Variants in PTPRN2 observed in about 807,000 individuals in gnomAD.
PTPRN2 encodes the protein protein tyrosine phosphatase receptor type N2, also known as receptor-type tyrosine-protein phosphatase N2.
A neutral mutation model predicts 118.8 loss-of-function variants in PTPRN2; 74 were observed. The observed-to-expected ratio is 0.62, with a 90% CI of 0.52 to 0.76. PTPRN2 has a LOEUF of 0.76. Ranked by LOEUF, PTPRN2 falls within the 30% of genes least tolerant of loss-of-function variation. PTPRN2 has a pLI of 0.00. For missense variants in PTPRN2, 1,481 were observed against 1,394.4 expected, an observed-to-expected ratio of 1.06 and a Z score of -0.99; for synonymous variants, 641 against 608.0, an observed-to-expected ratio of 1.05 and a Z score of -0.80.
chr7:157,641,351 G>A (rs1396963146), intron 14 of PTPRN2, among the ~76,000 whole-genome samples: 1 of 152,198 alleles, frequency 6.6e-6, no homozygotes, highest in Admixed American at 6.5e-5. Flanking sequence ...GGCAAAGAAT[G>A]AGATGTACAC....
intron 13 of PTPRN2, among the ~76,000 whole-genome samples, chr7:157,682,272 C>T (rs761446554): frequency 1.3e-5 from 2 of 152,124 alleles, no homozygotes; most frequent in African/African-American, 2.4e-5. Flanking sequence ...CTTCACTGGA[C>T]CGGACAACAG....
intron 14 of PTPRN2, among the ~76,000 whole-genome samples, chr7:157,628,488 A>T (rs1803733486): frequency 6.6e-6 from 1 of 152,240 alleles, no homozygotes; most frequent in African/African-American, 2.4e-5. Context: ...CTGGGAAGGC[A>T]CTGGACTTTG....
intron 12 of PTPRN2, among the ~76,000 whole-genome samples, chr7:157,737,408 G>A (rs953492697): frequency 4.6e-5 from 7 of 152,252 alleles, no homozygotes; most frequent in Non-Finnish European, 1.0e-4. Flanking sequence ...TGGAGGGCAC[G>A]TGTGCTGTGA....
chr7:158,157,067 G>A (rs557368370), intron 6 of PTPRN2, among the ~76,000 whole-genome samples: 4 of 151,982 alleles, frequency 2.6e-5, no homozygotes, highest in African/African-American at 9.7e-5. Context: ...CAGCACCCCC[G>A]TTCCATGTAG....
rs1380231928 is a variant in PTPRN2, at chr7:157,734,099, T to G, written c.1789-51162A>C. 5.3e-5 allele frequency among the ~76,000 whole-genome samples: 5 copies of G among 94,440 alleles called. 2 individuals are homozygous for G. The highest frequency in any genetic ancestry group is 3.0e-4 in the East Asian group (1 of 3,308). 62.0% of individuals were successfully genotyped at this position (94,440 alleles called of 152,430 possible). A position where few individuals can be genotyped will look rare whatever the true frequency, so the allele number is the denominator to read the frequency against. ...CCCATGCACCCAGCACAGTTACCCT[T>G]TCCCGTCCCATGCGCCCAGCACAGT... On this transcript the variant is annotated intron_variant, in intron 12 of 22. Transcript: ENST00000389418.
intron 2 of PTPRN2, among the ~76,000 whole-genome samples, chr7:158,423,881 T>C (rs1815473275): frequency 6.6e-6 from 1 of 152,160 alleles, no homozygotes; most frequent in South Asian, 2.1e-4. Flanking sequence ...TGGAATGGAA[T>C]CCTGAAAACT....
intron 12 of PTPRN2, among the ~76,000 whole-genome samples, chr7:157,793,981 C>A (rs1331557274): frequency 1.3e-5 from 2 of 152,310 alleles, no homozygotes; most frequent in Non-Finnish European, 2.9e-5. Context: ...CTGAGGGCCC[C>A]ACAGCCCCTT....
chr7:157,993,418 C>T (rs1350129571), intron 11 of PTPRN2, among the ~76,000 whole-genome samples: 1 of 152,062 alleles, frequency 6.6e-6, no homozygotes, highest in East Asian at 1.9e-4. Flanking sequence ...CAGGACATAC[C>T]CCATGTGCTT....
At chr7:157,747,806 G>T (rs1329531744) in intron 12 of PTPRN2, among the ~76,000 whole-genome samples, 10 of 130,142 alleles carry the variant, frequency 7.7e-5, no homozygotes, top group South Asian at 5.3e-4. Flanking sequence ...GGCTGTTGAG[G>T]TGATTCTGAG....
intron 12 of PTPRN2, among the ~76,000 whole-genome samples, chr7:157,698,699 C>T (rs187478651): frequency 1.7e-4 from 26 of 152,232 alleles, no homozygotes; most frequent in Non-Finnish European, 2.2e-4. Context: ...GAGGTGAATC[C>T]GGTTTTCACT....
chr7:157,561,094 C>T (rs1003079144), intron 21 of PTPRN2, among the ~76,000 whole-genome samples: 5 of 152,194 alleles, frequency 3.3e-5, no homozygotes, highest in African/African-American at 1.2e-4. Context: ...CCTGGCTGGT[C>T]CCCCAGCCAT....
intron 11 of PTPRN2, among the ~76,000 whole-genome samples, chr7:157,937,002 A>G (rs995437750): frequency 4.6e-5 from 7 of 152,226 alleles, no homozygotes; most frequent in African/African-American, 1.7e-4. Flanking sequence ...CTCTTGTAGA[A>G]TGTCTTTCTG....
At chr7:157,967,225 C>T (rs1802010424) in intron 11 of PTPRN2, among the ~76,000 whole-genome samples, 1 of 152,280 alleles carries the variant, frequency 6.6e-6, no homozygotes, top group African/African-American at 2.4e-5. Context: ...TGGGAGGACC[C>T]CTTAAGCCTA....
chr7:157,994,844 C>T (rs371567053), intron 11 of PTPRN2, among the ~76,000 whole-genome samples: 12 of 9,112 alleles, frequency 1.3e-3, no homozygotes, highest in South Asian at 4.9e-3. Flanking sequence ...ATCAACGCCG[C>T]GTCCCCAGCT....
intron 1 of PTPRN2, among the ~76,000 whole-genome samples, chr7:158,530,222 C>T (rs970902981): frequency 2.0e-5 from 3 of 152,224 alleles, no homozygotes; most frequent in South Asian, 2.1e-4. Flanking sequence ...ATGCCACATG[C>T]TTGCAATAAA....
chr7:158,321,776 C>T, intron 2 of PTPRN2, among the ~76,000 whole-genome samples: 1 of 128,946 alleles, frequency 7.8e-6, no homozygotes, highest in African/African-American at 2.8e-5. Flanking sequence ...ACCATCAAAA[C>T]ACTCATGTGT....
rs1354516631 is a variant in PTPRN2 at position 158,151,116 on chromosome 7, C to CCCTG, written c.911-12605_911-12602dup. ...AAACCGCCCGCCTTTCTGCTCCTAC[C>CCCTG]CCTGCCCACACCGCCCGCCTTTCTA... On this transcript the variant is annotated intron_variant, in intron 6 of 22. Transcript: ENST00000389418. Among the ~76,000 whole-genome samples the CCCTG allele has an allele frequency of 9.8e-4, 13 of 13,254 alleles. 2 individuals are homozygous for CCCTG. In the East Asian group the frequency reaches 0.025, roughly 25 times the overall value. 8.7% of individuals were successfully genotyped at this position (13,254 alleles called of 152,430 possible). A position where few individuals can be genotyped will look rare whatever the true frequency, so the allele number is the denominator to read the frequency against.
intron 2 of PTPRN2, among the ~76,000 whole-genome samples, chr7:158,483,415 G>A (rs924680576): frequency 6.6e-6 from 1 of 152,168 alleles, no homozygotes; most frequent in Non-Finnish European, 1.5e-5. Flanking sequence ...TGCTGTGGCC[G>A]AAAATCCAAA....
chr7:158,022,978 C>A lies in PTPRN2; in HGVS notation c.1723+58320G>T, dbSNP rs1807009776. Among the ~76,000 whole-genome samples the A allele has an allele frequency of 6.6e-6, 1 of 152,198 alleles. No individual in the cohort carries two copies. The highest frequency in any genetic ancestry group is 2.4e-5 in the African/African-American group (1 of 41,452). On this transcript the variant is annotated intron_variant, in intron 11 of 22. Transcript: ENST00000389418. This position sits in a 1 kb window ranked among gnomAD's most constrained non-coding sequence, Gnocchi z 4.6. ...CTGGTGAGTCTGAACTCTGTGCACT[C>A]CTGTTTAGTCCTCAATGGGAAATGG...
Sources: allele counts gnomAD v4.1 joint callset (sites outside exome capture counted in the v4.1 genomes callset), GRCh38; gene constraint gnomAD v4.1.1; non-coding constraint Gnocchi (gnomAD v3.1); transcripts MANE v1.5; gene names NCBI Gene and HGNC (gene_info 2026-07-23, HGNC 2026-07-21).